SPON2: variants seen among roughly 807,000 people sequenced by gnomAD.
SPON2 encodes spondin 2.
A neutral mutation model predicts 29.9 loss-of-function variants in SPON2; 32 were observed. The observed-to-expected ratio is 1.07, with a 90% CI of 0.81 to 1.44. SPON2 has a LOEUF of 1.44. SPON2 is among the 40% of genes most tolerant of loss of function. The pLI, the probability that SPON2 is intolerant of heterozygous loss-of-function variation, is 0.00. For missense variants in SPON2, 541 were observed against 455.5 expected (o/e 1.19, Z -1.71); for synonymous variants, 248 against 209.1 (o/e 1.19, Z -1.61).
upstream of SPON2, chr4:1,200,117 C>T (rs1488584777): frequency 6.6e-6 from 1 of 152,282 alleles, no homozygotes; most frequent in Non-Finnish European, 1.5e-5. Context: ...GACGGGCAGC[C>T]ACATCGCGTC....
At chr4:1,191,294 CA>C (rs1727910102) in intron 1 of SPON2, among the ~76,000 whole-genome samples, 2 of 152,026 alleles carry the variant, frequency 1.3e-5, no homozygotes, top group African/African-American at 4.8e-5. Flanking sequence ...ATTGAAAGTC[CA>C]AAAATAAACC....
Position 1,192,197 on chromosome 4 carries a change from C to T in SPON2, c.-239+2793G>A, listed in dbSNP as rs148962460. ...GAGTGTGGGATGGGGGTGACCTCAC[C>T]AGATGGCCCCACATGCTTTAGCACA... is the stretch of plus-strand genomic sequence containing the variant. On this transcript the variant is annotated intron_variant, in intron 1 of 3. Coordinates refer to the SPON2 transcript ENST00000502483. Among the ~76,000 whole-genome samples the T allele has an allele frequency of 4.7e-3, 710 of 152,312 alleles. 8 individuals are homozygous for T. Among genetic ancestry groups the T allele is most frequent in the African/African-American group, 0.015 (639 of 41,564 alleles).
chr4:1,174,874 CT>C (rs1359388449), upstream of SPON2, among the ~76,000 whole-genome samples: 2 of 152,266 alleles, frequency 1.3e-5, no homozygotes, highest in African/African-American at 4.8e-5. Context: ...CCAGCCTTGG[CT>C]GCGTATGTTA....
rs761601850 is a variant in SPON2 at position 1,172,044 on chromosome 4, G to A, written c.28C>T (p.Leu10=). MENPSPAAA[L]GKALCALLLA... ...AGGAGAGCGCAGAGGGCCTTGCCCA[G>A]GGCGGCGGCCGGGCTGGGGTTTTCC... Residue 10 remains leucine (L), a synonymous_variant, in exon 2 of 6, where the codon CTG becomes TTG. Coordinates refer to ENST00000290902, the MANE Select transcript of SPON2 (RefSeq NM_012445.4). 6.2e-7 allele frequency: 1 copy of A among 1,612,168 alleles called. No homozygotes were observed. The highest frequency in any genetic ancestry group is 1.1e-5 in the South Asian group (1 of 91,020).
intron 1 of SPON2, among the ~76,000 whole-genome samples, chr4:1,181,723 T>C (rs1173723152): frequency 1.3e-5 from 2 of 152,158 alleles, no homozygotes; most frequent in Non-Finnish European, 2.9e-5. Context: ...CCTGTAGCAG[T>C]TTACAGACAG....
At chr4:1,196,015 C>T (rs891707143), upstream of SPON2, among the ~76,000 whole-genome samples, 5 of 152,256 alleles carry the variant, frequency 3.3e-5, no homozygotes, top group African/African-American at 1.2e-4. Flanking sequence ...AATAGAAGAT[C>T]ATGGGGTAGT....
At chr4:1,189,294 A>G (rs1454010961) in intron 1 of SPON2, among the ~76,000 whole-genome samples, 1 of 152,092 alleles carries the variant, frequency 6.6e-6, no homozygotes, top group East Asian at 1.9e-4. Context: ...ACAGTAAGTC[A>G]AAGCAAGCAG....
At chr4:1,192,711 G>T (rs542286109) in intron 1 of SPON2, among the ~76,000 whole-genome samples, 2 of 152,174 alleles carry the variant, frequency 1.3e-5, no homozygotes, top group African/African-American at 4.8e-5. Flanking sequence ...GGCTTGGGGG[G>T]TACGGCCATC....
At chr4:1,181,862 C>T (rs1727707093) in intron 1 of SPON2, among the ~76,000 whole-genome samples, 1 of 152,170 alleles carries the variant, frequency 6.6e-6, no homozygotes, top group Admixed American at 6.5e-5. Context: ...TTTCACCTTC[C>T]CCCATTGTTG....
chr4:1,170,713 C>T, intron 4 of SPON2, 137 bp from the exon 5 acceptor site: 2 of 1,149,652 alleles, frequency 1.7e-6, no homozygotes, highest in Non-Finnish European at 2.6e-6. Flanking sequence ...CCATGTACTC[C>T]TCTCAGCCAT....
chr4:1,192,291 GCT>G (rs1727929366), intron 1 of SPON2, among the ~76,000 whole-genome samples: 1 of 152,258 alleles, frequency 6.6e-6, no homozygotes, highest in African/African-American at 2.4e-5. Context: ...CTCTGTCCAA[GCT>G]CTGAGTCAGC....
At chr4:1,175,157 G>C (rs1727567561), upstream of SPON2, among the ~76,000 whole-genome samples, 1 of 152,248 alleles carries the variant, frequency 6.6e-6, no homozygotes, top group African/African-American at 2.4e-5. Flanking sequence ...TTTCTGGACA[G>C]CTTCCTCGGC....
chr4:1,194,267 T>C (rs1157100079), intron 1 of SPON2, among the ~76,000 whole-genome samples: 2 of 152,130 alleles, frequency 1.3e-5, no homozygotes, highest in African/African-American at 4.8e-5. Context: ...GGCCATGTCA[T>C]TGGGAGGTGG....
At chr4:1,192,427 TC>T (rs1343635703) in intron 1 of SPON2, among the ~76,000 whole-genome samples, 1 of 152,264 alleles carries the variant, frequency 6.6e-6, no homozygotes, top group Non-Finnish European at 1.5e-5. Context: ...CAATAGAGTT[TC>T]CTACTCTCAA....
chr4:1,184,662 C>T (rs972845604), intron 1 of SPON2, among the ~76,000 whole-genome samples: 3 of 152,074 alleles, frequency 2.0e-5, no homozygotes, highest in Non-Finnish European at 2.9e-5. Context: ...TGGCCAGGCA[C>T]GGTGGCTCAT....
chr4:1,200,489 G>A (rs796742791), intron 1 of SPON2, among the ~76,000 whole-genome samples: 75 of 152,278 alleles, frequency 4.9e-4, no homozygotes, highest in Admixed American at 2.5e-3. Flanking sequence ...GAGGCTCAGC[G>A]GGGGCGGGGG....
chr4:1,171,760 A>G, intron 2 of SPON2, 92 bp downstream of exon 2: 2 of 950,306 alleles, frequency 2.1e-6, no homozygotes, highest in East Asian at 2.4e-5. Flanking sequence ...AGCACGCCCC[A>G]GACTGGGAAG....
upstream of SPON2, among the ~76,000 whole-genome samples, chr4:1,195,519 T>A (rs1728047658): frequency 6.7e-6 from 1 of 148,626 alleles, no homozygotes; most frequent in South Asian, 2.2e-4. Flanking sequence ...CAGCTCGAGG[T>A]TGGGCGGATG....
chr4:1,205,600 C>A (rs979617667), intron 1 of SPON2, among the ~76,000 whole-genome samples: 1 of 148,964 alleles, frequency 6.7e-6, no homozygotes, highest in African/African-American at 2.5e-5. Context: ...CCCTGCCAGC[C>A]CAAGCATCCG....
Sources: allele counts gnomAD v4.1 joint callset (sites outside exome capture counted in the v4.1 genomes callset), GRCh38; gene constraint gnomAD v4.1.1; transcripts MANE v1.5; gene names NCBI Gene and HGNC (gene_info 2026-07-23, HGNC 2026-07-21).